The following PTPRM variants were observed in gnomAD, a reference collection of about 807,000 sequenced individuals.
The protein encoded by PTPRM is receptor-type tyrosine-protein phosphatase mu.
PTPRM carries 47 observed loss-of-function variants against 186.7 expected under a neutral mutation model. That is an observed-to-expected ratio of 0.25 (90% CI 0.20 to 0.32). The LOEUF (loss-of-function observed/expected upper bound fraction) is 0.32. Among genes scored for constraint, PTPRM ranks in the 10% least tolerant of loss-of-function variants. The pLI is 1.00. For synonymous variants in PTPRM, 668 were observed against 674.9 expected, an observed-to-expected ratio of 0.99 and a Z score of 0.16; for missense variants, 1,494 against 1,865.0, an observed-to-expected ratio of 0.80 and a Z score of 3.66.
At position 7,912,657 on chromosome 18, in the gene PTPRM, A is replaced by G. The variant is rs377370469; in HGVS notation, c.547+6074A>G. The stretch of plus-strand genomic sequence containing the variant: ...CTCTCGAGTAGTTGGGACTACAGGC[A>G]CCCGCCACCACGCCCGGCTAATTTT... On this transcript the variant is annotated intron_variant, in intron 4 of 32. Transcript: ENST00000580170. 3.7e-3 allele frequency among the ~76,000 whole-genome samples: 542 copies of G among 147,310 alleles called. 3 individuals are homozygous for G. The highest frequency in any genetic ancestry group is 0.013 in the African/African-American group (526 of 40,152).
chr18:7,878,325 T>C (rs2048341562), intron 2 of PTPRM, among the ~76,000 whole-genome samples: 2 of 152,204 alleles, frequency 1.3e-5, no homozygotes, highest in South Asian at 4.1e-4. Context: ...TGGACACCGT[T>C]TCATTTTCTC....
intron 19 of PTPRM, among the ~76,000 whole-genome samples, chr18:8,258,198 G>A (rs1405864845): frequency 6.6e-6 from 1 of 152,206 alleles, no homozygotes; most frequent in East Asian, 1.9e-4. Context: ...GTTGCTGTGA[G>A]AGAAGAGCTG....
At chr18:8,248,372 G>C in intron 17 of PTPRM, 196 bp downstream of exon 17, 1 of 675,886 alleles carries the variant, frequency 1.5e-6, no homozygotes, top group African/African-American at 1.8e-5. Context: ...AATAAGAGGG[G>C]TTTGCTGCAT....
At chr18:8,375,435 C>A (rs191326902) in intron 24 of PTPRM, among the ~76,000 whole-genome samples, 1 of 152,034 alleles carries the variant, frequency 6.6e-6, no homozygotes, top group Non-Finnish European at 1.5e-5. Flanking sequence ...AAAATATTTA[C>A]CCACATTAAA....
chr18:7,588,316 C>T (rs960795037), intron 1 of PTPRM, among the ~76,000 whole-genome samples: 1 of 152,028 alleles, frequency 6.6e-6, no homozygotes, highest in African/African-American at 2.4e-5. Context: ...CATATTTAAT[C>T]AAATGGAGGT....
chr18:7,928,350 G>A (rs1020844471), intron 5 of PTPRM, among the ~76,000 whole-genome samples: 5 of 152,022 alleles, frequency 3.3e-5, no homozygotes, highest in East Asian at 1.9e-4. Flanking sequence ...GTTTTTTGCC[G>A]CTTGTGAAAA....
intron 23 of PTPRM, among the ~76,000 whole-genome samples, chr18:8,361,561 A>G (rs1037273851): frequency 6.6e-6 from 1 of 152,238 alleles, no homozygotes; most frequent in African/African-American, 2.4e-5. Flanking sequence ...ACAGCTAGTT[A>G]ATGTGGGACC....
intron 2 of PTPRM, among the ~76,000 whole-genome samples, chr18:7,818,797 A>G (rs1403219063): frequency 1.3e-5 from 2 of 152,218 alleles, no homozygotes; most frequent in African/African-American, 4.8e-5. Flanking sequence ...CAAATGAATG[A>G]GAGAGGATTT....
intron 20 of PTPRM, among the ~76,000 whole-genome samples, chr18:8,307,849 C>T (rs1263354166): frequency 1.3e-5 from 2 of 151,782 alleles, no homozygotes; most frequent in African/African-American, 2.4e-5. Flanking sequence ...ATAGAGTCAC[C>T]GTCACTCCTG....
chr18:7,619,382 A>T (rs2143951540), intron 1 of PTPRM, among the ~76,000 whole-genome samples: 1 of 152,302 alleles, frequency 6.6e-6, no homozygotes, highest in East Asian at 1.9e-4. Flanking sequence ...TGGGCTTTGT[A>T]AAGCAACATT....
chr18:7,826,126 G>T (rs1046214185), intron 2 of PTPRM, among the ~76,000 whole-genome samples: 9 of 152,212 alleles, frequency 5.9e-5, no homozygotes, highest in Admixed American at 6.5e-5. Flanking sequence ...GTGTCACTGA[G>T]TGAGGCTCTG....
At chr18:8,099,098 G>C (rs1039627641) in intron 11 of PTPRM, among the ~76,000 whole-genome samples, 7 of 151,344 alleles carry the variant, frequency 4.6e-5, no homozygotes, top group Non-Finnish European at 7.4e-5. Context: ...TCTTCCCTCT[G>C]TCCTGCCTGC....
chr18:8,172,453 A>C (rs2093416716), intron 14 of PTPRM, among the ~76,000 whole-genome samples: 1 of 152,022 alleles, frequency 6.6e-6, no homozygotes, highest in Non-Finnish European at 1.5e-5. Flanking sequence ...TGTGTTCCTC[A>C]ATAGTCCAAG....
chr18:7,804,253 G>C (rs1283821845), intron 2 of PTPRM, among the ~76,000 whole-genome samples: 2 of 152,194 alleles, frequency 1.3e-5, no homozygotes, highest in Admixed American at 1.3e-4. Context: ...ACACTGAGGG[G>C]GGTGGGCTGG....
intron 7 of PTPRM, among the ~76,000 whole-genome samples, chr18:7,975,324 A>G (rs2054858497): frequency 1.3e-5 from 2 of 152,250 alleles, no homozygotes; most frequent in South Asian, 4.1e-4. Flanking sequence ...ACCAGTGTTT[A>G]TAGCAGCTTT....
intron 1 of PTPRM, chr18:7,741,282 T>C (rs1249596470): frequency 1.3e-5 from 2 of 152,208 alleles, no homozygotes; most frequent in African/African-American, 2.4e-5. Context: ...AGGTGGGCAT[T>C]GCTCCTGAGA....
At chr18:7,945,799 CTG>C (rs1486934882) in intron 5 of PTPRM, among the ~76,000 whole-genome samples, 2 of 152,098 alleles carry the variant, frequency 1.3e-5, no homozygotes, top group Non-Finnish European at 2.9e-5. Context: ...CCATAAAAGA[CTG>C]TCACTGAATA....
At chr18:7,716,776 A>T (rs1049145683) in intron 1 of PTPRM, among the ~76,000 whole-genome samples, 1 of 152,220 alleles carries the variant, frequency 6.6e-6, no homozygotes, top group Non-Finnish European at 1.5e-5. Context: ...AACCACAATG[A>T]GATACCATCT....
At position 7,997,769 on chromosome 18, in the gene PTPRM, C is replaced by T. The variant is rs111915047; in HGVS notation, c.1132+42355C>T. Among the ~76,000 whole-genome samples the T allele has an allele frequency of 4.2e-3, 646 of 152,094 alleles. 4 individuals carry two copies. The highest frequency in any genetic ancestry group is 0.015 in the African/African-American group (616 of 41,492). On this transcript the variant is annotated intron_variant, in intron 7 of 32. Coordinates refer to ENST00000580170, the MANE Select transcript of PTPRM (RefSeq NM_001105244.2). ...GACATTCAAATGGCCTGCAGCTGTA[C>T]GAAAAAAATGCTCAACATCACCAAT...
Sources: gnomAD v4.1 joint callset for allele counts (sites outside exome capture counted in the v4.1 genomes callset) on GRCh38, gnomAD v4.1.1 for gene constraint, MANE v1.5 for transcripts, NCBI Gene and HGNC (gene_info 2026-07-23, HGNC 2026-07-21) for gene names.